ANKRD1: variants seen among roughly 807,000 people sequenced by gnomAD.
The protein encoded by ANKRD1 is ankyrin repeat domain-containing protein 1.
A neutral mutation model predicts 40.1 loss-of-function variants in ANKRD1; 32 were observed. The observed-to-expected ratio is 0.80, with a 90% confidence interval of 0.60 to 1.07. The LOEUF (loss-of-function observed/expected upper bound fraction) is 1.07, where lower values mean the gene tolerates loss of function less well. Among genes scored for constraint, ANKRD1 ranks in the 50% least tolerant of loss-of-function variants. The pLI is 0.00. For synonymous variants in ANKRD1, 149 were observed against 141.2 expected (o/e 1.06, Z -0.39); for missense variants, 359 against 386.0 (o/e 0.93, Z 0.59).
At position 90,912,274 on chromosome 10, in the gene ANKRD1, G is replaced by A. The variant is rs543945994; in HGVS notation, c.*592C>T. The A allele has an allele frequency of 9.0e-6, 1 of 110,958 alleles. No homozygotes were observed. The highest frequency in any genetic ancestry group is 3.1e-4 in the South Asian group (1 of 3,186). The allele number at this position is 110,958 out of a possible 1,614,324, so 6.9% of individuals were successfully genotyped here. ...CACTCATGACGTTCTCTTCACTTGGGTACTCTGTGTACTCGGTAAAAAAAA... is the reference window on the plus strand; with the variant it reads ...CACTCATGACGTTCTCTTCACTTGGATACTCTGTGTACTCGGTAAAAAAAA... On this transcript the variant is annotated 3_prime_UTR_variant, in exon 9 of 9. Coordinates refer to ENST00000371697, the MANE Select transcript of ANKRD1 (RefSeq NM_014391.3).
chr10:90,920,333 T>G lies in ANKRD1; in HGVS notation c.43A>C (p.Asn15His), dbSNP rs571287478. 1.2e-6 allele frequency: 2 copies of G among 1,614,128 alleles called. 1 individual carries two copies. The highest frequency in any genetic ancestry group is 2.2e-5 in the South Asian group (2 of 91,080). ...KVEELVTGKK[N>H]GNGEAGEFLP... The stretch of plus-strand genomic sequence containing the variant: ...AATTCCCCTGCCTCCCCATTGCCAT[T>G]CTTCTTTCCAGTGACCTATGAGGGA... Residue 15 changes from asparagine to histidine, a missense_variant, in exon 2 of 9, where the codon AAT becomes CAT. Asn to His is a moderately conservative substitution (Grantham distance 68). Coordinates refer to ENST00000371697, the MANE Select transcript of ANKRD1 (RefSeq NM_014391.3).
At position 90,912,974 on chromosome 10, in the gene ANKRD1, A is replaced by G. The variant is rs779362034; in HGVS notation, c.852T>C (p.Ala284=). The G allele has an allele frequency of 1.2e-6, 2 of 1,613,974 alleles. No homozygotes were observed. The highest frequency in any genetic ancestry group is 2.2e-5 in the South Asian group (2 of 91,080). The part of the protein sequence containing the change: ...YGADLNIKNC[A]GKTPMDLVLH... ...GCACCAGATCCATCGGCGTCTTCCC[A>G]GCCTAATCAAATGAGATAAGGAAAG... The change falls in exon 9 of 9, where the codon GCT becomes GCC. Residue 284 remains alanine (A), a splice_region_variant and synonymous_variant. Transcript: ENST00000371697.
intron 5 of ANKRD1, 90 bp downstream of exon 5, chr10:90,917,642 C>T (rs948773725): frequency 7.2e-6 from 8 of 1,110,776 alleles, no homozygotes; most frequent in Non-Finnish European, 1.1e-5. Context: ...AATTTTCAAT[C>T]CAATCAGCTC....
At position 90,912,924 on chromosome 10, in the gene ANKRD1, G is replaced by A; in HGVS notation, c.902C>T (p.Ala301Val). ...LVLHWQNGTK[A>V]IFDSLRENSY... is the part of the protein sequence containing the mutation. Reference sequence around the variant, plus strand: ...GTTCTCTCTGAGGCTGTCGAATATTGCTTTGGTTCCATTCTGCCAGTGTAG... The same window carrying A: ...GTTCTCTCTGAGGCTGTCGAATATTACTTTGGTTCCATTCTGCCAGTGTAG... Residue 301 changes from alanine (A) to valine (V), a missense_variant, in exon 9 of 9, where the codon GCA (alanine) becomes GTA (valine). Physicochemically the swap from Ala to Val is moderately conservative, Grantham distance 64. Transcript: ENST00000371697. 1.9e-6 allele frequency: 3 copies of A among 1,614,060 alleles called. No homozygotes were observed. The highest frequency in any genetic ancestry group is 2.2e-5 in the East Asian group (1 of 44,886).
intron 4 of ANKRD1, among the ~76,000 whole-genome samples, chr10:90,918,269 C>T (rs181414131): frequency 2.5e-4 from 38 of 152,250 alleles, no homozygotes; most frequent in Admixed American, 2.1e-3. Context: ...GAAGCGGTCC[C>T]CAATTTCACT....
rs41286920 is a variant in ANKRD1 at position 90,912,523 on chromosome 10, T to C, written c.*343A>G. On this transcript the variant is annotated 3_prime_UTR_variant, in exon 9 of 9. Transcript: ENST00000371697. ...AGCGAATGACACATAAGTAGGCACT[T>C]GAACTTTGCTCTTTCACCTGGTTTA... 548 of 311,334 alleles carry C rather than the reference T, an allele frequency of 1.8e-3. 1 individual carries two copies. The highest frequency in any genetic ancestry group is 2.2e-3 in the Middle Eastern group (2 of 900). 19.3% of individuals were successfully genotyped at this position (311,334 alleles called of 1,614,324 possible). A position where few individuals can be genotyped will look rare whatever the true frequency, so the allele number is the denominator to read the frequency against.
chr10:90,913,432 G>A (rs747567665), intron 8 of ANKRD1, among the ~76,000 whole-genome samples: 10 of 152,158 alleles, frequency 6.6e-5, no homozygotes, highest in Non-Finnish European at 1.2e-4. Flanking sequence ...TTGGCTTAAG[G>A]ACTTAGGTAC....
In ANKRD1 at chr10:90,919,113, C is replaced by CA. The variant is rs746808032; in HGVS notation, c.345+17dup. ...ACACTGGACATGTATTACTGGAAACCAAAAAAAAAGCCCTTACAATGATTT... is the reference window on the plus strand; with the variant it reads ...ACACTGGACATGTATTACTGGAAACCAAAAAAAAAAGCCCTTACAATGATTT... On this transcript the variant is annotated intron_variant, in intron 3 of 8. Transcript: ENST00000371697. 439 of 1,587,940 alleles carry CA rather than the reference C, an allele frequency of 2.8e-4. 1 individual carries two copies. Among genetic ancestry groups the CA allele is most frequent in the Admixed American group, 9.2e-4 (53 of 57,898 alleles).
Position 90,920,989 on chromosome 10 carries a change from C to T in ANKRD1, c.27+12G>A, listed in dbSNP as rs1788060356. Reference sequence around the variant, plus strand: ...CAGTTTTCATTTTATAAAATTAATGCATCTTACATACCAGTTCCTCTACTT... The same window carrying T: ...CAGTTTTCATTTTATAAAATTAATGTATCTTACATACCAGTTCCTCTACTT... On this transcript the variant is annotated intron_variant, in intron 1 of 8. Transcript: ENST00000371697. 1 of 1,612,466 alleles carries T rather than the reference C, an allele frequency of 6.2e-7. No homozygotes were observed. The highest frequency in any genetic ancestry group is 8.5e-7 in the Non-Finnish European group (1 of 1,178,578).
At chr10:90,916,537 T>G (rs1004482400) in intron 5 of ANKRD1, among the ~76,000 whole-genome samples, 2 of 152,184 alleles carry the variant, frequency 1.3e-5, no homozygotes, top group African/African-American at 4.8e-5. Flanking sequence ...ACATTTCTCA[T>G]GCCAACATGG....
Position 90,912,807 on chromosome 10 carries a change from T to C in ANKRD1, c.*59A>G, listed in dbSNP as rs3939. On this transcript the variant is annotated 3_prime_UTR_variant, in exon 9 of 9. Transcript: ENST00000371697. Reference sequence around the variant, plus strand: ...GATTTTATGGCTAGTGTCTCTTCTCTTGGGCCATGCCTTCAAAATGCCAGT... The same window carrying C: ...GATTTTATGGCTAGTGTCTCTTCTCCTGGGCCATGCCTTCAAAATGCCAGT... 677,349 of 1,458,726 alleles carry C rather than the reference T, an allele frequency of 0.46. 161,971 individuals are homozygous for C. Among genetic ancestry groups the C allele is most frequent in the Non-Finnish European group, 0.49 (510,800 of 1,038,916 alleles). The allele number at this position is 1,458,726 out of a possible 1,614,324, so 90.4% of individuals were successfully genotyped here. A position where few individuals can be genotyped will look rare whatever the true frequency, so the allele number is the denominator to read the frequency against.
At position 90,920,284 on chromosome 10, in the gene ANKRD1, C is replaced by T. The variant is rs763320656; in HGVS notation, c.92G>A (p.Gly31Glu). Reference protein sequence around the residue: ...GEFLPEDFRDGEYEAAVTLEK... With the variant: ...GEFLPEDFRDEEYEAAVTLEK... ...TAAAGTAACAGCAGCTTCATACTCT[C>T]CATCTCTGAAATCCTCAGGAAGGAA... Residue 31 changes from glycine (G) to glutamate (E), a missense_variant, in exon 2 of 9, where the codon GGA (glycine) becomes GAA (glutamate). By Grantham distance (98) the Gly-to-Glu change is moderately conservative. Coordinates refer to ENST00000371697, the MANE Select transcript of ANKRD1 (RefSeq NM_014391.3). The T allele has an allele frequency of 3.1e-6, 5 of 1,614,194 alleles. No individual in the cohort carries two copies. Among genetic ancestry groups the T allele is most frequent in the Non-Finnish European group, 4.2e-6 (5 of 1,180,024 alleles).
Position 90,918,877 on chromosome 10 carries a change from A to G in ANKRD1, c.441T>C (p.Asp147=), listed in dbSNP as rs145827106. The G allele has an allele frequency of 3.5e-5, 57 of 1,611,108 alleles. No individual in the cohort carries two copies. The African/African-American group carries it at 6.2e-4, about 17-fold the overall frequency. The change falls in exon 4 of 9, where the codon GAT becomes GAC. Residue 147 remains aspartate (D), a synonymous_variant. Transcript: ENST00000371697. ...EKFLSDKNNP[D]VCDEYKRTAL... ...GCATGAGTCTTACCTCATCACAAACATCTGGATTGTTCTTGTCTGACAAGA... is the reference window on the plus strand; with the variant it reads ...GCATGAGTCTTACCTCATCACAAACGTCTGGATTGTTCTTGTCTGACAAGA...
At chr10:90,917,690 C>G in intron 5 of ANKRD1, 42 bp downstream of exon 5, 1 of 1,556,112 alleles carries the variant, frequency 6.4e-7, no homozygotes, top group African/African-American at 1.4e-5. Flanking sequence ...TTCATATAGT[C>G]TACTTCTTTT....
Position 90,915,888 on chromosome 10 carries a change from AT to A in ANKRD1, c.652-9del. ...CAGCGCTGTGCTGAGCAACTGGAAA[AT>A]TGGAAAACGCTGCTGATTCGCTAGG... is the stretch of plus-strand genomic sequence containing the variant. On this transcript the variant is annotated splice_polypyrimidine_tract_variant and intron_variant, in intron 6 of 8. Coordinates refer to ENST00000371697, the MANE Select transcript of ANKRD1 (RefSeq NM_014391.3). The A allele has an allele frequency of 6.2e-7, 1 of 1,604,624 alleles. No individual in the cohort carries two copies.
intron 2 of ANKRD1, 92 bp downstream of exon 2, chr10:90,920,077 T>G: frequency 6.5e-7 from 1 of 1,538,764 alleles, no homozygotes; most frequent in Non-Finnish European, 9.0e-7. Context: ...ATCTTAATGA[T>G]TGGGTTTGTT....
In ANKRD1 at chr10:90,912,685, AAG is replaced by A. The variant is rs771203982; in HGVS notation, c.*179_*180del. ...TAAACAGGAATACATAAAAATAAATAAGAGTTTCACTAAAGGAAATTTAAACA... is the reference window on the plus strand; with the variant it reads ...TAAACAGGAATACATAAAAATAAATAAGTTTCACTAAAGGAAATTTAAACA... On this transcript the variant is annotated 3_prime_UTR_variant, in exon 9 of 9. Coordinates refer to ENST00000371697, the MANE Select transcript of ANKRD1 (RefSeq NM_014391.3). The A allele has an allele frequency of 5.0e-6, 3 of 600,880 alleles. No individual in the cohort carries two copies. The highest frequency in any genetic ancestry group is 1.9e-5 in the African/African-American group (1 of 53,650). The allele number at this position is 600,880 out of a possible 1,614,324, so 37.2% of individuals were successfully genotyped here.
In ANKRD1 at chr10:90,918,915, C is replaced by T; in HGVS notation, c.403G>A (p.Val135Ile). 5 of 1,611,990 alleles carry T rather than the reference C, an allele frequency of 3.1e-6. No homozygotes were observed. The highest frequency in any genetic ancestry group is 4.2e-6 in the Non-Finnish European group (5 of 1,179,696). Residue 135 changes from valine to isoleucine, a missense_variant, in exon 4 of 9, where the codon GTA (valine) becomes ATA (isoleucine). By Grantham distance (29) the Val-to-Ile change is conservative. Transcript: ENST00000371697. ...LKAALENKLP[V>I]VEKFLSDKNN... ...TTGTCTGACAAGAATTTTTCTACTA[C>T]TGGCAGTTTATTCTCCAGAGCAGCC...
chr10:90,920,457 C>G, intron 1 of ANKRD1, 109 bp from the exon 2 acceptor site: 1 of 1,230,954 alleles, frequency 8.1e-7, no homozygotes, highest in Admixed American at 1.7e-5. Flanking sequence ...GGAACAGCCA[C>G]CTTTGAGCAG....
Sources: gnomAD v4.1 joint callset for allele counts (sites outside exome capture counted in the v4.1 genomes callset) on GRCh38, gnomAD v4.1.1 for gene constraint, MANE v1.5 for transcripts, NCBI Gene and HGNC (gene_info 2026-07-23, HGNC 2026-07-21) for gene names.